Variants in PAIP2 observed in about 807,000 individuals in gnomAD.
PAIP2 encodes polyadenylate-binding protein-interacting protein 2.
In PAIP2, 7 loss-of-function variants were observed where a neutral mutation model predicts 14.8. The ratio of observed to expected loss-of-function variants is 0.47; its 90% CI spans 0.27 to 0.89. The LOEUF is 0.89. Among genes scored for constraint, PAIP2 ranks in the 40% least tolerant of loss-of-function variants. PAIP2 has a pLI of 0.13. For missense variants in PAIP2, 122 were observed against 154.7 expected, an observed-to-expected ratio of 0.79 and a Z score of 1.12; for synonymous variants, 47 against 45.3, an observed-to-expected ratio of 1.04 and a Z score of -0.15.
At chr5:139,346,887 G>A (rs1013005507) in intron 1 of PAIP2, among the ~76,000 whole-genome samples, 1 of 151,900 alleles carries the variant, frequency 6.6e-6, no homozygotes, top group Non-Finnish European at 1.5e-5. Context: ...TCAGCTCACT[G>A]CAACCTCTGC....
chr5:139,355,166 C>CTT (rs758442291), intron 1 of PAIP2, among the ~76,000 whole-genome samples: 1,746 of 118,686 alleles, frequency 0.015, 46 homozygotes, highest in African/African-American at 0.034. Context: ...TTGTCTCTCT[C>CTT]TTTTTTTTTT....
chr5:139,361,830 C>T (rs1388626751), intron 1 of PAIP2, among the ~76,000 whole-genome samples: 1 of 151,582 alleles, frequency 6.6e-6, no homozygotes, highest in Non-Finnish European at 1.5e-5. Flanking sequence ...CCTGTAATCC[C>T]AGCTACTCTG....
chr5:139,352,508 T>TTTTTTTTG (rs1561959096), intron 1 of PAIP2, among the ~76,000 whole-genome samples: 4 of 146,674 alleles, frequency 2.7e-5, no homozygotes, highest in African/African-American at 2.5e-5. Flanking sequence ...TGTTGTTTTT[T>TTTTTTTTG]TTTTTTGAGA....
At chr5:139,360,937 C>A (rs1190001563) in intron 1 of PAIP2, among the ~76,000 whole-genome samples, 2 of 151,958 alleles carry the variant, frequency 1.3e-5, no homozygotes, top group Non-Finnish European at 2.9e-5. Context: ...TGCACCACCA[C>A]ATCCAGCTAA....
intron 1 of PAIP2, 119 bp from the exon 2 acceptor site, chr5:139,363,640 C>T (rs1757136088): frequency 1.3e-6 from 1 of 778,212 alleles, no homozygotes; most frequent in Non-Finnish European, 2.0e-6. Flanking sequence ...GAGATCGAGG[C>T]TGTGGTGAGC....
At chr5:139,355,852 G>C (rs1229376579) in intron 1 of PAIP2, among the ~76,000 whole-genome samples, 1 of 151,108 alleles carries the variant, frequency 6.6e-6, no homozygotes, top group African/African-American at 2.4e-5. Context: ...GGGAGACTCA[G>C]TCTCAAAAAA....
At chr5:139,344,500 C>T (rs980182738) in intron 1 of PAIP2, among the ~76,000 whole-genome samples, 2 of 151,988 alleles carry the variant, frequency 1.3e-5, no homozygotes, top group Non-Finnish European at 2.9e-5. Flanking sequence ...TGGTGCTGTC[C>T]AATGATGTAG....
chr5:139,352,846 T>C (rs1024530189), intron 1 of PAIP2, among the ~76,000 whole-genome samples: 5 of 151,612 alleles, frequency 3.3e-5, no homozygotes, highest in African/African-American at 1.2e-4. Context: ...GCTGGGTGCG[T>C]TGGCTCACGC....
chr5:139,358,277 A>T (rs1426638250), intron 1 of PAIP2, among the ~76,000 whole-genome samples: 1 of 152,222 alleles, frequency 6.6e-6, no homozygotes, highest in Non-Finnish European at 1.5e-5. Flanking sequence ...CATCCACAGG[A>T]CTTGTGAGTA....
intron 1 of PAIP2, among the ~76,000 whole-genome samples, chr5:139,344,704 A>T (rs1756484146): frequency 6.6e-6 from 1 of 152,160 alleles, no homozygotes; most frequent in Non-Finnish European, 1.5e-5. Context: ...AGCTTTTATC[A>T]GTTAGGATGA....
chr5:139,358,443 A>C (rs1302227505), intron 1 of PAIP2, among the ~76,000 whole-genome samples: 1 of 152,200 alleles, frequency 6.6e-6, no homozygotes, highest in African/African-American at 2.4e-5. Flanking sequence ...GGAGTCAGCT[A>C]CCTTTTTTAC....
intron 1 of PAIP2, among the ~76,000 whole-genome samples, chr5:139,354,107 C>T (rs1159957530): frequency 1.3e-5 from 2 of 152,150 alleles, no homozygotes; most frequent in African/African-American, 4.8e-5. Context: ...GTATAAGTTA[C>T]TTTTACTGGC....
At chr5:139,343,465 A>G (rs1756442463) in intron 1 of PAIP2, 1 of 152,154 alleles carries the variant, frequency 6.6e-6, no homozygotes, top group African/African-American at 2.4e-5. Context: ...TTCCTTAAAT[A>G]AGCACTCTGC....
rs1308390740 is a variant in PAIP2, at chr5:139,363,777, C to T, written c.-8C>T. The stretch of plus-strand genomic sequence containing the variant: ...TTTTAAGGTTAAAAACGACAACCAA[C>T]ATCAGCCATGAAAGATCCAAGTCGC... On this transcript the variant is annotated 5_prime_UTR_variant, in exon 2 of 4. Transcript: ENST00000265192. 2.5e-6 allele frequency: 4 copies of T among 1,612,492 alleles called. No homozygotes were observed. The highest frequency in any genetic ancestry group is 3.4e-6 in the Non-Finnish European group (4 of 1,179,260).
chr5:139,350,855 T>G (rs1400966198), intron 1 of PAIP2, among the ~76,000 whole-genome samples: 1 of 152,102 alleles, frequency 6.6e-6, no homozygotes. Context: ...CAGAATAGAT[T>G]CAGACAAATG....
chr5:139,368,704 A>G lies in PAIP2; in HGVS notation c.319-29A>G, dbSNP rs1581338567. The G allele has an allele frequency of 5.2e-6, 8 of 1,532,830 alleles. No homozygotes were observed. The East Asian group carries it at 1.6e-4, about 30-fold the overall frequency. 95.0% of individuals were successfully genotyped at this position (1,532,830 alleles called of 1,614,324 possible). A position where few individuals can be genotyped will look rare whatever the true frequency, so the allele number is the denominator to read the frequency against. On this transcript the variant is annotated intron_variant, in intron 3 of 3. Coordinates refer to ENST00000265192, the MANE Select transcript of PAIP2 (RefSeq NM_016480.5). ...TTAGTACCTGAAACTGTGTTAATGA[A>G]CTTGCTTTTTTATGTACTTATTTTC...
At chr5:139,357,897 C>A (rs888824931) in intron 1 of PAIP2, among the ~76,000 whole-genome samples, 1 of 152,158 alleles carries the variant, frequency 6.6e-6, no homozygotes, top group Non-Finnish European at 1.5e-5. Context: ...CTATTGTCTT[C>A]AAGGCTTACC....
intron 1 of PAIP2, among the ~76,000 whole-genome samples, chr5:139,348,769 C>G (rs964581464): frequency 1.3e-5 from 2 of 151,778 alleles, no homozygotes. Flanking sequence ...CCTCTGCCTC[C>G]CAGGTTCAAG....
chr5:139,346,479 C>T (rs1279376977), intron 1 of PAIP2, among the ~76,000 whole-genome samples: 2 of 151,860 alleles, frequency 1.3e-5, no homozygotes, highest in Non-Finnish European at 2.9e-5. Context: ...CCTCATGATC[C>T]ACCCCCTTGG....
Sources: allele counts gnomAD v4.1 joint callset (sites outside exome capture counted in the v4.1 genomes callset), GRCh38; gene constraint gnomAD v4.1.1; transcripts MANE v1.5; gene names NCBI Gene and HGNC (gene_info 2026-07-23, HGNC 2026-07-21).